The following C8orf34 variants were observed in gnomAD, a reference collection of about 807,000 sequenced individuals.
C8orf34 encodes the protein chromosome 8 open reading frame 34.
C8orf34 carries 65 observed loss-of-function variants against 68.3 expected under a neutral mutation model. The observed-to-expected ratio is 0.95, with a 90% confidence interval of 0.78 to 1.17. The LOEUF (loss-of-function observed/expected upper bound fraction) is 1.17, where lower values mean the gene tolerates loss of function less well. Among genes scored for constraint, C8orf34 ranks in the 50% most tolerant of loss-of-function variants. The pLI, the probability that C8orf34 is intolerant of heterozygous loss-of-function variation, is 0.00. For missense variants in C8orf34, 664 were observed against 655.4 expected (o/e 1.01, Z -0.14); for synonymous variants, 244 against 241.2 (o/e 1.01, Z -0.11).
intron 10 of C8orf34, among the ~76,000 whole-genome samples, chr8:68,764,962 G>T (rs1042035427): frequency 6.6e-6 from 1 of 152,170 alleles, no homozygotes; most frequent in Non-Finnish European, 1.5e-5. Context: ...AAAAATAAGA[G>T]ATAAACGAAG....
At chr8:68,813,416 C>T (rs989734663) in intron 12 of C8orf34, among the ~76,000 whole-genome samples, 1 of 151,938 alleles carries the variant, frequency 6.6e-6, no homozygotes, top group African/African-American at 2.4e-5. Context: ...CTCCCTTGCC[C>T]CACACTCTAA....
intron 1 of C8orf34, among the ~76,000 whole-genome samples, chr8:68,349,130 T>C (rs1348063232): frequency 6.6e-6 from 1 of 151,998 alleles, no homozygotes; most frequent in African/African-American, 2.4e-5. Context: ...TAGGCTCTTA[T>C]TATTTTGAGG....
chr8:68,615,017 T>C (rs1818157125), intron 7 of C8orf34, among the ~76,000 whole-genome samples: 1 of 151,632 alleles, frequency 6.6e-6, no homozygotes, highest in Non-Finnish European at 1.5e-5. Context: ...CCCTTGAAAG[T>C]TGGATTCCTA....
chr8:68,376,695 A>T (rs1299125613), intron 1 of C8orf34, among the ~76,000 whole-genome samples: 1 of 152,002 alleles, frequency 6.6e-6, no homozygotes, highest in Admixed American at 6.6e-5. Flanking sequence ...AAAACAAAAC[A>T]AAGTTTTGTT....
At chr8:68,601,915 G>C (rs1472023135) in intron 7 of C8orf34, among the ~76,000 whole-genome samples, 1 of 152,180 alleles carries the variant, frequency 6.6e-6, no homozygotes, top group African/African-American at 2.4e-5. Context: ...CCAGGTGGAT[G>C]TGGATGTTCC....
At position 68,376,668 on chromosome 8, in the gene C8orf34, T is replaced by A. The variant is rs11996907; in HGVS notation, c.327+45329T>A. Among the ~76,000 whole-genome samples, 1,276 of 152,136 alleles carry A rather than the reference T, an allele frequency of 8.4e-3. 14 individuals are homozygous for A. The highest frequency in any genetic ancestry group is 0.029 in the African/African-American group (1,221 of 41,496). ...CTCCAGGCCCATTTATTCAACTATA[T>A]TTAAACTTAATAGATCAAAACAAAA... On this transcript the variant is annotated intron_variant, in intron 1 of 13. Coordinates refer to ENST00000518698, the MANE Select transcript of C8orf34 (RefSeq NM_052958.4).
At position 68,589,483 on chromosome 8, in the gene C8orf34, A is replaced by G. The variant is rs141233297; in HGVS notation, c.1106-50893A>G. ...AGAAAGAAAGAAGAAAGAGGAAAAG[A>G]AAGAAGAAAGAAAGAGAGAGAACGA... is the stretch of plus-strand genomic sequence containing the variant. On this transcript the variant is annotated intron_variant, in intron 7 of 13. Coordinates refer to ENST00000518698, the MANE Select transcript of C8orf34 (RefSeq NM_052958.4). 4.0e-5 allele frequency among the ~76,000 whole-genome samples: 6 copies of G among 151,378 alleles called. No homozygotes were observed. The East Asian group carries it at 1.2e-3, about 30-fold the overall frequency.
At chr8:68,503,829 C>T (rs1457662472) in intron 5 of C8orf34, among the ~76,000 whole-genome samples, 4 of 151,954 alleles carry the variant, frequency 2.6e-5, no homozygotes, top group African/African-American at 9.7e-5. Context: ...ATTCCAAGTC[C>T]ATACTATAGT....
In C8orf34 at chr8:68,357,603, A is replaced by G. The variant is rs1191476034; in HGVS notation, c.327+26264A>G. Among the ~76,000 whole-genome samples, 4 of 152,296 alleles carry G rather than the reference A, an allele frequency of 2.6e-5. No homozygotes were observed. In the East Asian group the frequency reaches 7.7e-4, roughly 29 times the overall value. On this transcript the variant is annotated intron_variant, in intron 1 of 13. Coordinates refer to ENST00000518698, the MANE Select transcript of C8orf34 (RefSeq NM_052958.4). ...TATTAAAAAGTATATTTTTGGATAA[A>G]TTTTGTGAAACAATGAGCTGGATAT...
chr8:68,500,562 A>G (rs1204782783), intron 5 of C8orf34, among the ~76,000 whole-genome samples: 2 of 152,172 alleles, frequency 1.3e-5, no homozygotes, highest in Non-Finnish European at 2.9e-5. Context: ...AAGGAGCATC[A>G]TATCTGCAAC....
chr8:68,429,212 G>T (rs1412814006), intron 1 of C8orf34, among the ~76,000 whole-genome samples: 1 of 152,082 alleles, frequency 6.6e-6, no homozygotes, highest in Admixed American at 6.6e-5. Flanking sequence ...TTATGAAAAA[G>T]AAAGGCATTA....
intron 10 of C8orf34, among the ~76,000 whole-genome samples, chr8:68,754,463 A>ATTCT (rs1822795337): frequency 1.3e-5 from 2 of 152,198 alleles, no homozygotes; most frequent in Non-Finnish European, 2.9e-5. Flanking sequence ...AGAATCTAGA[A>ATTCT]AGGAATGTTA....
intron 11 of C8orf34, among the ~76,000 whole-genome samples, chr8:68,778,493 G>T (rs544968849): frequency 6.6e-6 from 1 of 151,988 alleles, no homozygotes; most frequent in Non-Finnish European, 1.5e-5. Context: ...ATTTTGTTTA[G>T]ATCTGAATCA....
chr8:68,614,027 T>G (rs1383745708), intron 7 of C8orf34, among the ~76,000 whole-genome samples: 1 of 152,244 alleles, frequency 6.6e-6, no homozygotes, highest in African/African-American at 2.4e-5. Context: ...GATTTGCATT[T>G]CTCTGATGGC....
intron 7 of C8orf34, chr8:68,535,425 G>T (rs1815423488): frequency 3.1e-6 from 3 of 981,742 alleles, no homozygotes; most frequent in Non-Finnish European, 3.6e-6. Flanking sequence ...TGTAAACCTT[G>T]TGAAGTGATA....
intron 10 of C8orf34, among the ~76,000 whole-genome samples, chr8:68,738,288 C>A (rs1480393029): frequency 6.6e-6 from 1 of 152,008 alleles, no homozygotes; most frequent in African/African-American, 2.4e-5. Context: ...ATTTCTGGGA[C>A]ACAGCTAAGG....
At chr8:68,411,670 A>T (rs1465896480) in intron 1 of C8orf34, among the ~76,000 whole-genome samples, 4 of 152,210 alleles carry the variant, frequency 2.6e-5, no homozygotes, top group African/African-American at 9.6e-5. Context: ...TAGCTTCTGC[A>T]AATAGGAGGT....
At chr8:68,678,323 G>C (rs1421380004) in intron 8 of C8orf34, among the ~76,000 whole-genome samples, 1 of 152,022 alleles carries the variant, frequency 6.6e-6, no homozygotes, top group Non-Finnish European at 1.5e-5. Context: ...GATGAACATT[G>C]ATGCAAAAAT....
chr8:68,525,675 A>C, intron 6 of C8orf34: 2 of 670,110 alleles, frequency 3.0e-6, no homozygotes, highest in Non-Finnish European at 5.6e-6. Flanking sequence ...TGCACATGAA[A>C]CCTGGGGCTG....
Sources: allele counts gnomAD v4.1 joint callset (sites outside exome capture counted in the v4.1 genomes callset), GRCh38; gene constraint gnomAD v4.1.1; transcripts MANE v1.5; gene names NCBI Gene and HGNC (gene_info 2026-07-23, HGNC 2026-07-21).